MTCL2: variants seen among roughly 807,000 people sequenced by gnomAD.
MTCL2 encodes microtubule cross-linking factor 2.
At chr20:36,814,416 T>A in the MTCL2 span, among the ~76,000 whole-genome samples, 2 of 152,186 alleles carry the variant, frequency 1.3e-5, no homozygotes, top group African/African-American at 4.8e-5. Context: ...ATATTCTAGA[T>A]CCACTCTACT....
chr20:36,850,187 G>A, the MTCL2 span, among the ~76,000 whole-genome samples: 2 of 152,054 alleles, frequency 1.3e-5, no homozygotes, highest in African/African-American at 4.8e-5. Flanking sequence ...ACTCCCATGG[G>A]ACTCTGTACT....
chr20:36,806,929 G>A, the MTCL2 span, among the ~76,000 whole-genome samples: 5 of 152,166 alleles, frequency 3.3e-5, no homozygotes, highest in Admixed American at 6.5e-5. Flanking sequence ...TGGAGGGTTC[G>A]TCTGAGACAA....
At chr20:36,810,707 TCTCTCTCTCC>T in the MTCL2 span, among the ~76,000 whole-genome samples, 1,167 of 130,436 alleles carry the variant, frequency 8.9e-3, 23 homozygotes, top group African/African-American at 0.035. Flanking sequence ...CTCCCCTCCT[TCTCTCTCTCC>T]CTCTCTCTCT....
the MTCL2 span, chr20:36,793,187 G>A: frequency 6.8e-7 from 1 of 1,470,104 alleles, no homozygotes; most frequent in Non-Finnish European, 9.0e-7. This position sits in a 1 kb window ranked among gnomAD's most constrained non-coding sequence, Gnocchi z 6.8. Flanking sequence ...AAAACCAAAA[G>A]AGCTTGGACC....
the MTCL2 span, chr20:36,804,959 C>T: frequency 3.2e-6 from 5 of 1,581,408 alleles, no homozygotes; most frequent in Non-Finnish European, 4.3e-6. Context: ...GGAGGGGAAC[C>T]TGGGTTCAGA....
chr20:36,815,219 T>C, the MTCL2 span: 1 of 1,614,016 alleles, frequency 6.2e-7, no homozygotes, highest in Admixed American at 1.7e-5. This position sits in a 1 kb window ranked among gnomAD's most constrained non-coding sequence, Gnocchi z 5.3. Context: ...ACTCCTGCTG[T>C]TCCTTGACAG....
chr20:36,794,364 G>A, the MTCL2 span: 9 of 1,609,086 alleles, frequency 5.6e-6, no homozygotes, highest in Admixed American at 6.8e-5. The surrounding 1 kb of genome is among the most constrained non-coding windows in gnomAD (Gnocchi z 5.4). Context: ...GTGTAGCTGC[G>A]CTGCATCTGC....
chr20:36,778,017 TCTGCCTC>T, the MTCL2 span: 3 of 482,190 alleles, frequency 6.2e-6, no homozygotes, highest in Non-Finnish European at 1.1e-5. Context: ...GTCAGGGTCT[TCTGCCTC>T]CTGCCTCCCC....
chr20:36,839,566 G>C, the MTCL2 span: 1 of 745,386 alleles, frequency 1.3e-6, no homozygotes, highest in African/African-American at 1.8e-5. The surrounding 1 kb of genome is among the most constrained non-coding windows in gnomAD (Gnocchi z 5.1). Context: ...CTGAATGACA[G>C]ACCTCCAAAG....
At chr20:36,843,205 A>T in the MTCL2 span, among the ~76,000 whole-genome samples, 1 of 152,266 alleles carries the variant, frequency 6.6e-6, no homozygotes, top group African/African-American at 2.4e-5. Flanking sequence ...GCCTGCCCAG[A>T]TGGGGAGGAC....
chr20:36,838,695 C>T, the MTCL2 span, among the ~76,000 whole-genome samples: 2 of 152,116 alleles, frequency 1.3e-5, no homozygotes, highest in African/African-American at 4.8e-5. Flanking sequence ...CAGCCAGGCG[C>T]AGTGGCTCAT....
the MTCL2 span, among the ~76,000 whole-genome samples, chr20:36,842,711 G>A: frequency 9.8e-5 from 15 of 152,332 alleles, no homozygotes; most frequent in South Asian, 2.5e-3. Context: ...GGCAGAGGTT[G>A]CAGTGACCCA....
At chr20:36,786,591 G>A in the MTCL2 span, 2 of 1,551,062 alleles carry the variant, frequency 1.3e-6, no homozygotes, top group South Asian at 2.4e-5. Flanking sequence ...GGACGATCGG[G>A]CGAAGCAGGA....
chr20:36,841,876 T>TGTGTGGGTGTGG, the MTCL2 span, among the ~76,000 whole-genome samples: 2 of 63,426 alleles, frequency 3.2e-5, no homozygotes, highest in East Asian at 3.2e-4. Flanking sequence ...GGGGGTGGGG[T>TGTGTGGGTGTGG]GTGTGTGTGT....
the MTCL2 span, chr20:36,783,795 G>T: frequency 3.0e-6 from 3 of 985,188 alleles, no homozygotes; most frequent in Admixed American, 6.2e-5. Context: ...AAAGAGTAGA[G>T]AATTTTTACA....
At chr20:36,801,304 C>T in the MTCL2 span, among the ~76,000 whole-genome samples, 6 of 152,022 alleles carry the variant, frequency 3.9e-5, no homozygotes, top group Non-Finnish European at 8.8e-5. Flanking sequence ...ACACCAGGCA[C>T]CAGTCACACT....
the MTCL2 span, among the ~76,000 whole-genome samples, chr20:36,847,082 T>C: frequency 6.6e-6 from 1 of 152,214 alleles, no homozygotes; most frequent in Non-Finnish European, 1.5e-5. Flanking sequence ...GTACGTGCAT[T>C]ATCAGTTGAC....
chr20:36,800,075 T>G, the MTCL2 span, among the ~76,000 whole-genome samples: 1 of 152,188 alleles, frequency 6.6e-6, no homozygotes, highest in Non-Finnish European at 1.5e-5. Flanking sequence ...AGAAGAATGC[T>G]GCTTTGGGGG....
chr20:36,822,759 C>CT, the MTCL2 span, among the ~76,000 whole-genome samples: 1,208 of 141,308 alleles, frequency 8.5e-3, 9 homozygotes, highest in African/African-American at 0.019. Flanking sequence ...ACTCTAGATT[C>CT]TTTTTTTTTT....
Sources: allele counts gnomAD v4.1 joint callset (sites outside exome capture counted in the v4.1 genomes callset), GRCh38; gene constraint gnomAD v4.1.1; non-coding constraint Gnocchi (gnomAD v3.1); transcripts MANE v1.5; gene names NCBI Gene and HGNC (gene_info 2026-07-23, HGNC 2026-07-21).